The following DENND2B variants were observed in gnomAD, a reference collection of about 807,000 sequenced individuals.
The protein encoded by DENND2B is DENN domain-containing protein 2B.
Under a neutral mutation model 116.0 loss-of-function variants are expected in DENND2B, and 32 were observed. The observed-to-expected ratio is 0.28, with a 90% CI of 0.21 to 0.37. The LOEUF is 0.37. Ranked by LOEUF, DENND2B falls within the 10% of genes least tolerant of loss-of-function variation. The pLI is 1.00. For missense variants in DENND2B, 1,276 were observed against 1,477.7 expected (o/e 0.86, Z 2.24); for synonymous variants, 588 against 583.9 (o/e 1.01, Z -0.10).
intron 1 of DENND2B, among the ~76,000 whole-genome samples, chr11:8,780,464 G>A (rs190329594): frequency 5.5e-4 from 83 of 152,268 alleles, no homozygotes; most frequent in Non-Finnish European, 8.8e-4. Flanking sequence ...AAGATCAAAT[G>A]GCAAAAGAAT....
In DENND2B at chr11:8,712,808, G is replaced by A; in HGVS notation, c.1988-73C>T. 6.8e-7 allele frequency: 1 copy of A among 1,471,036 alleles called. No individual in the cohort carries two copies. 91.1% of individuals were successfully genotyped at this position (1,471,036 alleles called of 1,614,324 possible). The stretch of plus-strand genomic sequence containing the variant: ...TTAACTCCTCTACCCCTGGCTCAGG[G>A]CTCCATTGCTGTGGAGCACTTTTAA... On this transcript the variant is annotated intron_variant, in intron 8 of 19. Transcript: ENST00000313726. The surrounding 1 kb of genome is among the most constrained non-coding windows in gnomAD (Gnocchi z 4.4).
chr11:8,807,917 A>G (rs1307752398), intron 1 of DENND2B: 2 of 152,212 alleles, frequency 1.3e-5, no homozygotes, highest in Non-Finnish European at 2.9e-5. Context: ...GGTCTTCCCC[A>G]TCCTACAGTA....
At chr11:8,841,398 G>A (rs1022540380) in intron 3 of DENND2B, among the ~76,000 whole-genome samples, 8 of 152,106 alleles carry the variant, frequency 5.3e-5, no homozygotes, top group Non-Finnish European at 8.8e-5. Flanking sequence ...CAGCACTCTG[G>A]GAGACCAAGC....
intron 1 of DENND2B, among the ~76,000 whole-genome samples, chr11:8,783,175 C>G (rs977529108): frequency 6.6e-6 from 1 of 151,708 alleles, no homozygotes; most frequent in Non-Finnish European, 1.5e-5. Flanking sequence ...CCACCTTAGC[C>G]TCTTGAAAAG....
chr11:8,807,134 C>T (rs111568805), intron 1 of DENND2B, among the ~76,000 whole-genome samples: 10 of 152,204 alleles, frequency 6.6e-5, no homozygotes, highest in Non-Finnish European at 1.3e-4. Flanking sequence ...CCAGCCTCAA[C>T]TATGTGTTCC....
At chr11:8,817,860 G>C (rs1174489429) in intron 4 of DENND2B, among the ~76,000 whole-genome samples, 1 of 151,900 alleles carries the variant, frequency 6.6e-6, no homozygotes, top group Non-Finnish European at 1.5e-5. Flanking sequence ...TTATTAAGTC[G>C]GAGCATGTTA....
chr11:8,880,921 T>G (rs1422682568), intron 2 of DENND2B: 5 of 152,082 alleles, frequency 3.3e-5, no homozygotes, highest in Non-Finnish European at 4.4e-5. Flanking sequence ...CCCTCAACTT[T>G]CCCTTACCAT....
At chr11:8,903,497 GA>G in intron 1 of DENND2B, among the ~76,000 whole-genome samples, 1 of 141,574 alleles carries the variant, frequency 7.1e-6, no homozygotes, top group Non-Finnish European at 1.5e-5. Context: ...AAAAAAGCAA[GA>G]GAGAGAAGGC....
chr11:8,876,363 G>T (rs1169806184), upstream of DENND2B, among the ~76,000 whole-genome samples: 2 of 152,030 alleles, frequency 1.3e-5, no homozygotes, highest in African/African-American at 4.8e-5. Context: ...TAAGTAAACT[G>T]AATTGTGTTA....
At chr11:8,745,417 A>G (rs943431762) in intron 2 of DENND2B, among the ~76,000 whole-genome samples, 6 of 152,204 alleles carry the variant, frequency 3.9e-5, no homozygotes, top group East Asian at 1.9e-4. Context: ...GATGCCATGA[A>G]TAAGAGAAGA....
intron 2 of DENND2B, among the ~76,000 whole-genome samples, chr11:8,746,915 T>C (rs541596567): frequency 6.6e-6 from 1 of 152,214 alleles, no homozygotes. Flanking sequence ...GAGTACCTCC[T>C]CTTTTCTGTG....
intron 1 of DENND2B, among the ~76,000 whole-genome samples, chr11:8,793,783 C>G (rs1713660482): frequency 6.6e-6 from 1 of 152,140 alleles, no homozygotes; most frequent in Non-Finnish European, 1.5e-5. Flanking sequence ...AATAATCAAA[C>G]TTTCCCACAG....
At chr11:8,815,685 A>G (rs1344757193) in intron 4 of DENND2B, among the ~76,000 whole-genome samples, 1 of 152,226 alleles carries the variant, frequency 6.6e-6, no homozygotes, top group Non-Finnish European at 1.5e-5. Context: ...CTCTTCTGCA[A>G]ATCAACAGCA....
At chr11:8,854,462 A>C (rs1186807317) in intron 3 of DENND2B, among the ~76,000 whole-genome samples, 1 of 151,946 alleles carries the variant, frequency 6.6e-6, no homozygotes, top group Non-Finnish European at 1.5e-5. Flanking sequence ...TCGGCCTCCC[A>C]AAGTGTTGAG....
intron 1 of DENND2B, among the ~76,000 whole-genome samples, chr11:8,792,827 G>A (rs2059503585): frequency 6.6e-6 from 1 of 152,212 alleles, no homozygotes; most frequent in Admixed American, 6.5e-5. Context: ...CTGCTGATGA[G>A]AAGTACACTG....
intron 1 of DENND2B, among the ~76,000 whole-genome samples, chr11:8,801,765 A>C (rs1450627877): frequency 6.6e-6 from 1 of 151,524 alleles, no homozygotes; most frequent in East Asian, 1.9e-4. Flanking sequence ...ACACCTTGGA[A>C]AGCCGAGGTG....
At chr11:8,777,136 C>T (rs1293505290) in intron 1 of DENND2B, among the ~76,000 whole-genome samples, 2 of 152,198 alleles carry the variant, frequency 1.3e-5, no homozygotes, top group East Asian at 3.8e-4. Flanking sequence ...CCTGTAGTAA[C>T]AAATGCCACG....
chr11:8,897,662 T>A (rs2064119530), intron 1 of DENND2B, among the ~76,000 whole-genome samples: 1 of 152,198 alleles, frequency 6.6e-6, no homozygotes, highest in Non-Finnish European at 1.5e-5. Flanking sequence ...GAAGGCTGTG[T>A]ACAAGGGCAC....
chr11:8,742,807 G>C (rs2050450532), intron 2 of DENND2B, among the ~76,000 whole-genome samples: 1 of 152,292 alleles, frequency 6.6e-6, no homozygotes, highest in East Asian at 1.9e-4. Context: ...GCTCACGCCT[G>C]TAATCCCAGC....
Sources: gnomAD v4.1 joint callset for allele counts (sites outside exome capture counted in the v4.1 genomes callset) on GRCh38, gnomAD v4.1.1 for gene constraint, Gnocchi (gnomAD v3.1) non-coding constraint, MANE v1.5 for transcripts, NCBI Gene and HGNC (gene_info 2026-07-23, HGNC 2026-07-21) for gene names.